The following MEAK7 variants were observed in gnomAD, a reference collection of about 807,000 sequenced individuals.
The protein encoded by MEAK7 is MTOR associated protein MEAK7, also known as MTOR-associated protein MEAK7.
A neutral mutation model predicts 40.5 loss-of-function variants in MEAK7; 68 were observed. The ratio of observed to expected loss-of-function variants is 1.68; its 90% CI spans 1.38 to 2.06. The LOEUF (loss-of-function observed/expected upper bound fraction) is 2.06, where lower values mean the gene tolerates loss of function less well. Ranked by LOEUF, MEAK7 falls within the 30% of genes most tolerant of loss-of-function variation. The pLI is 0.00. For missense variants in MEAK7, 918 were observed against 580.5 expected, an observed-to-expected ratio of 1.58 and a Z score of -5.98; for synonymous variants, 338 against 231.9, an observed-to-expected ratio of 1.46 and a Z score of -4.16.
At chr16:84,497,559 A>C in intron 2 of MEAK7, 1 of 1,296,168 alleles carries the variant, frequency 7.7e-7, no homozygotes, top group Non-Finnish European at 1.0e-6. Context: ...CACACGAGGC[A>C]GGCTATCTCT....
intron 4 of MEAK7, 129 bp downstream of exon 4, chr16:84,489,149 A>C: frequency 8.1e-7 from 1 of 1,228,504 alleles, no homozygotes; most frequent in Non-Finnish European, 1.1e-6. Flanking sequence ...ACAAACTAGA[A>C]AACCTAGAAG....
At chr16:84,482,789 C>T in intron 5 of MEAK7, 79 bp from the exon 6 acceptor site, 1 of 1,577,630 alleles carries the variant, frequency 6.3e-7, no homozygotes, top group Non-Finnish European at 8.6e-7. Context: ...CGGTAAGCTG[C>T]AGCTCAGGAA....
At chr16:84,504,528 G>A (rs1479950175) in intron 1 of MEAK7, 73 bp downstream of exon 1, 5 of 924,756 alleles carry the variant, frequency 5.4e-6, no homozygotes, top group South Asian at 9.9e-5. Flanking sequence ...GGACCCGTCT[G>A]CTCCAGTCCC....
intron 6 of MEAK7, among the ~76,000 whole-genome samples, chr16:84,481,364 A>G (rs1385745783): frequency 6.6e-6 from 1 of 152,156 alleles, no homozygotes; most frequent in Non-Finnish European, 1.5e-5. Context: ...ACCCGAGCAC[A>G]CTGCCCAGAG....
In MEAK7 at chr16:84,480,663, C is replaced by G. The variant is rs755983113; in HGVS notation, c.1123G>C (p.Asp375His). The change falls in exon 7 of 8, where the codon GAT becomes CAT. Residue 375 changes from aspartate to histidine, a missense_variant. Transcript: ENST00000343629. Reference sequence around the variant, plus strand: ...GCTCTGCTGTGTCCTTTCCCAAAATCAACATCCACCCAAAGCCCAAAGTAA... The same window carrying G: ...GCTCTGCTGTGTCCTTTCCCAAAATGAACATCCACCCAAAGCCCAAAGTAA... ...HNYFGLWVDVDFGKGHSRAKP... is the reference protein window; with the variant it reads ...HNYFGLWVDVHFGKGHSRAKP... 6 of 1,613,920 alleles carry G rather than the reference C, an allele frequency of 3.7e-6. No individual in the cohort carries two copies. The East Asian group carries it at 1.3e-4, about 36-fold the overall frequency.
chr16:84,489,651 T>A (rs777861907), intron 3 of MEAK7, among the ~76,000 whole-genome samples: 1 of 152,160 alleles, frequency 6.6e-6, no homozygotes, highest in Non-Finnish European at 1.5e-5. Context: ...CCCAACAGTA[T>A]TGGGGTTTAG....
chr16:84,492,569 T>TTTTATTTTATTTATTTATTTA (rs1913710561), intron 3 of MEAK7, among the ~76,000 whole-genome samples: 2 of 146,702 alleles, frequency 1.4e-5, no homozygotes, highest in Non-Finnish European at 1.5e-5. Context: ...AAGTGTTTTA[T>TTTTATTTTATTTATTTATTTA]TTTATTTATT....
chr16:84,482,690 A>C lies in MEAK7; in HGVS notation c.979T>G (p.Phe327Val). The C allele has an allele frequency of 1.2e-6, 2 of 1,614,210 alleles. No individual in the cohort carries two copies. Reference sequence around the variant, plus strand: ...ACAGCCATGCTGGGGCAGATGGAGAACAGGAAGCATCTGTTGTCCCCTGAA... The same window carrying C: ...ACAGCCATGCTGGGGCAGATGGAGACCAGGAAGCATCTGTTGTCCCCTGAA... ...QFQGDNRCFL[F>V]SICPSMAVYT... is the part of the protein sequence containing the mutation. Residue 327 changes from phenylalanine (F) to valine (V), a missense_variant, in exon 6 of 8, where the codon TTC becomes GTC. Phe to Val is a conservative substitution (Grantham distance 50). Transcript: ENST00000343629.
chr16:84,480,140 G>GCC (rs1468024617), intron 7 of MEAK7, 114 bp from the exon 8 acceptor site: 1 of 822,912 alleles, frequency 1.2e-6, no homozygotes, highest in Non-Finnish European at 1.9e-6. Flanking sequence ...TCCCCCTAAG[G>GCC]CCCCTCCCAC....
At chr16:84,497,261 C>G in intron 2 of MEAK7, 1 of 462,086 alleles carries the variant, frequency 2.2e-6, no homozygotes, top group South Asian at 2.0e-5. Flanking sequence ...AGTGTCTTGC[C>G]TCAGTCCGAG....
At chr16:84,481,417 G>A (rs1912533637) in intron 6 of MEAK7, among the ~76,000 whole-genome samples, 1 of 152,196 alleles carries the variant, frequency 6.6e-6, no homozygotes, top group African/African-American at 2.4e-5. Flanking sequence ...GACGAGCGAT[G>A]ACCGGGGCCT....
At chr16:84,482,051 G>A (rs532853603) in intron 6 of MEAK7, among the ~76,000 whole-genome samples, 129 of 152,254 alleles carry the variant, frequency 8.5e-4, no homozygotes, top group Non-Finnish European at 1.4e-3. Context: ...TCCTGCCCTC[G>A]GGCCTGCCTG....
Position 84,476,589 on chromosome 16 carries a change from G to A in MEAK7, c.*3324C>T, listed in dbSNP as rs1156314118. ...GACAATGATTAGCTGCAAACAAAATGTTCCCCAGCTGCAGACGGTGGAACG... is the reference window on the plus strand; with the variant it reads ...GACAATGATTAGCTGCAAACAAAATATTCCCCAGCTGCAGACGGTGGAACG... On this transcript the variant is annotated 3_prime_UTR_variant, in exon 8 of 8. Coordinates refer to ENST00000343629, the MANE Select transcript of MEAK7 (RefSeq NM_020947.4). The A allele has an allele frequency of 1.3e-5, 2 of 152,162 alleles. No homozygotes were observed. The highest frequency in any genetic ancestry group is 4.8e-5 in the African/African-American group (2 of 41,434). 9.4% of individuals were successfully genotyped at this position (152,162 alleles called of 1,614,324 possible). A position where few individuals can be genotyped will look rare whatever the true frequency, so the allele number is the denominator to read the frequency against.
intron 7 of MEAK7, 46 bp downstream of exon 7, chr16:84,480,483 C>T (rs1376595853): frequency 1.5e-5 from 23 of 1,528,370 alleles, no homozygotes; most frequent in Non-Finnish European, 2.0e-5. Context: ...GAAAGGCCCC[C>T]AGGCTCAAGG....
Position 84,477,943 on chromosome 16 carries a change from G to A in MEAK7, c.*1970C>T, listed in dbSNP as rs1912188445. On this transcript the variant is annotated 3_prime_UTR_variant, in exon 8 of 8. Coordinates refer to ENST00000343629, the MANE Select transcript of MEAK7 (RefSeq NM_020947.4). ...GTGATCTGCACTCTCCTTAGAACAA[G>A]CTCAGGGTGGAAAGCATGTGAGTGG... is the stretch of plus-strand genomic sequence containing the variant. 1 of 152,180 alleles carries A rather than the reference G, an allele frequency of 6.6e-6. No individual in the cohort carries two copies. Among genetic ancestry groups the A allele is most frequent in the South Asian group, 2.1e-4 (1 of 4,816 alleles). The allele number at this position is 152,180 out of a possible 1,614,324, so 9.4% of individuals were successfully genotyped here.
In MEAK7 at chr16:84,480,045, G is replaced by A; in HGVS notation, c.1258-19C>T. The A allele has an allele frequency of 6.4e-7, 1 of 1,570,114 alleles. No individual in the cohort carries two copies. Among genetic ancestry groups the A allele is most frequent in the Non-Finnish European group, 8.7e-7 (1 of 1,149,624 alleles). ...CCTTGGCCTTGAGAAGAGAAGAAAG[G>A]GTGGGTGTGTTCCATGATGGCCCAA... is the stretch of plus-strand genomic sequence containing the variant. On this transcript the variant is annotated intron_variant, in intron 7 of 7. Transcript: ENST00000343629.
At chr16:84,485,219 C>A (rs374172204) in intron 5 of MEAK7, among the ~76,000 whole-genome samples, 1 of 152,322 alleles carries the variant, frequency 6.6e-6, no homozygotes, top group Non-Finnish European at 1.5e-5. Flanking sequence ...ACCTGCAGGG[C>A]CGGCCCTGGG....
chr16:84,497,695 C>G (rs759323912), intron 2 of MEAK7: 6 of 1,449,304 alleles, frequency 4.1e-6, no homozygotes, highest in Non-Finnish European at 5.6e-6. Flanking sequence ...GGGAGGGATG[C>G]GTTTAGACAC....
chr16:84,495,794 G>T lies in MEAK7; in HGVS notation c.273C>A (p.Phe91Leu). 1 of 1,614,056 alleles carries T rather than the reference G, an allele frequency of 6.2e-7. No homozygotes were observed. The highest frequency in any genetic ancestry group is 8.5e-7 in the Non-Finnish European group (1 of 1,180,032). The change falls in exon 3 of 8, where the codon TTC (phenylalanine) becomes TTA (leucine). Residue 91 changes from phenylalanine (F) to leucine (L), a missense_variant. By Grantham distance (22) the Phe-to-Leu change is conservative. Coordinates refer to ENST00000343629, the MANE Select transcript of MEAK7 (RefSeq NM_020947.4). ...TCAACAGGTGGGACATGGATGCTGT[G>T]AACTGCTCCTGGGACACGTTCTCAC... Reference protein sequence around the residue: ...GPSENVSQEQFTASMSHLLKG... With the variant: ...GPSENVSQEQLTASMSHLLKG...
Sources: allele counts gnomAD v4.1 joint callset (sites outside exome capture counted in the v4.1 genomes callset), GRCh38; gene constraint gnomAD v4.1.1; transcripts MANE v1.5; gene names NCBI Gene and HGNC (gene_info 2026-07-23, HGNC 2026-07-21).